The following SCUBE1 variants were observed in gnomAD, a reference collection of about 807,000 sequenced individuals.
SCUBE1 encodes the protein signal peptide, CUB and EGF-like domain-containing protein 1.
SCUBE1 carries 59 observed loss-of-function variants against 124.4 expected under a neutral mutation model. The ratio of observed to expected loss-of-function variants is 0.47; its 90% CI spans 0.38 to 0.59. The LOEUF (loss-of-function observed/expected upper bound fraction) is 0.59, where lower values mean the gene tolerates loss of function less well. Ranked by LOEUF, SCUBE1 falls within the 20% of genes least tolerant of loss-of-function variation. The pLI is 0.00. For missense variants in SCUBE1, 1,150 were observed against 1,371.2 expected (o/e 0.84, Z 2.55); for synonymous variants, 545 against 550.9 (o/e 0.99, Z 0.15).
chr22:43,238,712 G>T (rs779999646), intron 7 of SCUBE1, 126 bp downstream of exon 7: 2 of 808,952 alleles, frequency 2.5e-6, no homozygotes, highest in Non-Finnish European at 4.4e-6. Flanking sequence ...TGATTGCCAC[G>T]TGTCCTTTCC....
chr22:43,206,808 C>A lies in SCUBE1; in HGVS notation c.2814+726G>T, dbSNP rs12160178. 7.3e-3 allele frequency among the ~76,000 whole-genome samples: 1,110 copies of A among 152,080 alleles called. 9 individuals are homozygous for A. The highest frequency in any genetic ancestry group is 0.025 in the African/African-American group (1,044 of 41,462). ...GGCGGAGCTGGGGGGACAGAGATTGCGGGGAGAGAGCCCAGGACGCATCCC... is the reference window on the plus strand; with the variant it reads ...GGCGGAGCTGGGGGGACAGAGATTGAGGGGAGAGAGCCCAGGACGCATCCC... On this transcript the variant is annotated intron_variant, in intron 21 of 21. Transcript: ENST00000360835.
rs911266435 is a variant in SCUBE1, at chr22:43,308,468, A to AT, written c.349+11468dup. On this transcript the variant is annotated intron_variant, in intron 3 of 21. Transcript: ENST00000360835. ...TTAGTTTTACATTAAGATGATCAGC[A>AT]TTTTTTTTTCCAGCAAGAAATGTAT... Among the ~76,000 whole-genome samples, 11 of 151,920 alleles carry AT rather than the reference A, an allele frequency of 7.2e-5. No individual in the cohort carries two copies. The East Asian group carries it at 1.5e-3, about 21-fold the overall frequency.
chr22:43,250,890 C>T (rs190399502), intron 6 of SCUBE1, among the ~76,000 whole-genome samples: 19 of 152,286 alleles, frequency 1.2e-4, no homozygotes, highest in Middle Eastern at 3.4e-3. Flanking sequence ...CCTGCAGAAC[C>T]GCGTCCCTCA....
intron 3 of SCUBE1, chr22:43,316,877 T>C (rs1043954898): frequency 5.3e-5 from 8 of 152,154 alleles, no homozygotes; most frequent in South Asian, 2.1e-4. Context: ...TCACAGATGT[T>C]TTCCACAACA....
At position 43,333,603 on chromosome 22, in the gene SCUBE1, G is replaced by A. The variant is rs1056855724; in HGVS notation, c.220+5501C>T. On this transcript the variant is annotated intron_variant, in intron 2 of 21. Coordinates refer to ENST00000360835, the MANE Select transcript of SCUBE1 (RefSeq NM_173050.5). Reference sequence around the variant, plus strand: ...ATCGGGCTTCCCACAATCCAGGCTCGGGTTGTGAAAATGATAGAGAAAGTA... The same window carrying A: ...ATCGGGCTTCCCACAATCCAGGCTCAGGTTGTGAAAATGATAGAGAAAGTA... 3.9e-5 allele frequency among the ~76,000 whole-genome samples: 6 copies of A among 152,166 alleles called. No homozygotes were observed. In the East Asian group the frequency reaches 7.7e-4, roughly 20 times the overall value.
In SCUBE1 at chr22:43,267,135, CG is replaced by C. The variant is rs555544167; in HGVS notation, c.485-4291del. Among the ~76,000 whole-genome samples the C allele has an allele frequency of 7.2e-5, 11 of 152,214 alleles. No individual in the cohort carries two copies. In the South Asian group the frequency reaches 2.1e-3, roughly 29 times the overall value. ...TGCTTCATTCTGCCTCGTAGGAAAT[CG>C]GAATAGTTGCTTCCGTCACACTCTT... On this transcript the variant is annotated intron_variant, in intron 4 of 21. Coordinates refer to ENST00000360835, the MANE Select transcript of SCUBE1 (RefSeq NM_173050.5).
At position 43,218,406 on chromosome 22, in the gene SCUBE1, G is replaced by A. The variant is rs752275627; in HGVS notation, c.1740C>T (p.Ala580=). 6.8e-6 allele frequency: 11 copies of A among 1,613,206 alleles called. No individual in the cohort carries two copies. The highest frequency in any genetic ancestry group is 2.7e-5 in the African/African-American group (2 of 74,956). The change falls in exon 15 of 22, where the codon GCC becomes GCT. Residue 580 remains alanine (A), a synonymous_variant. Transcript: ENST00000360835. ...LRKRAEQSLQ[A]AIKTLRKSIG... is the part of the protein sequence containing the mutation. ...TGGACTTGCGCAGGGTCTTGATGGC[G>A]GCCTGCAGGCTCTGTTCTGCTCGCT...
chr22:43,312,135 T>G (rs919502223), intron 3 of SCUBE1, among the ~76,000 whole-genome samples: 2 of 152,204 alleles, frequency 1.3e-5, no homozygotes, highest in African/African-American at 4.8e-5. Context: ...TACAAGGCAT[T>G]TTGACAAATC....
At chr22:43,340,963 G>T (rs930233175) in intron 1 of SCUBE1, among the ~76,000 whole-genome samples, 1 of 152,132 alleles carries the variant, frequency 6.6e-6, no homozygotes, top group Non-Finnish European at 1.5e-5. Context: ...TCTGCCAGTG[G>T]GGCCTATGAG....
chr22:43,330,503 T>G (rs9612041), intron 2 of SCUBE1, among the ~76,000 whole-genome samples: 20,171 of 152,236 alleles, frequency 0.13, 1,687 homozygotes, highest in East Asian at 0.18. Flanking sequence ...TCTTTTCCAA[T>G]CTGTGTCTCC....
intron 3 of SCUBE1, among the ~76,000 whole-genome samples, chr22:43,302,802 C>T (rs1284812584): frequency 2.0e-5 from 3 of 152,178 alleles, no homozygotes; most frequent in Admixed American, 1.3e-4. Flanking sequence ...GAAAACCAAA[C>T]AAACAAATCA....
At chr22:43,214,544 G>A (rs1318011201) in intron 15 of SCUBE1, among the ~76,000 whole-genome samples, 9 of 152,170 alleles carry the variant, frequency 5.9e-5, no homozygotes, top group Admixed American at 2.6e-4. Flanking sequence ...TCCCCCATAC[G>A]TCTGTCCTCT....
At chr22:43,282,196 C>T (rs1239405070) in intron 4 of SCUBE1, 1 of 152,580 alleles carries the variant, frequency 6.6e-6, no homozygotes, top group Non-Finnish European at 1.5e-5. Flanking sequence ...AGGCACAGGG[C>T]AGAGGCTCAA....
chr22:43,222,492 C>T, intron 12 of SCUBE1, 146 bp downstream of exon 12: 1 of 636,602 alleles, frequency 1.6e-6, no homozygotes, highest in Non-Finnish European at 2.7e-6. Flanking sequence ...GGGCCTGGCT[C>T]ATCGCCAGCA....
chr22:43,197,837 GA>G lies in SCUBE1; in HGVS notation c.*6159del, dbSNP rs1480509479. Reference sequence around the variant, plus strand: ...GAACGAGTTTTTCGTGCTTGTGAAGGAGGGAAGGAATGTCACTGAAGTCACC... The same window carrying G: ...GAACGAGTTTTTCGTGCTTGTGAAGGGGGAAGGAATGTCACTGAAGTCACC... On this transcript the variant is annotated 3_prime_UTR_variant, in exon 22 of 22. Coordinates refer to ENST00000360835, the MANE Select transcript of SCUBE1 (RefSeq NM_173050.5). The G allele has an allele frequency of 3.3e-5, 5 of 152,288 alleles. No individual in the cohort carries two copies. The highest frequency in any genetic ancestry group is 7.3e-5 in the Non-Finnish European group (5 of 68,084). 9.4% of individuals were successfully genotyped at this position (152,288 alleles called of 1,614,324 possible).
chr22:43,252,756 G>A (rs569218060), intron 6 of SCUBE1, among the ~76,000 whole-genome samples: 2 of 152,280 alleles, frequency 1.3e-5, no homozygotes, highest in African/African-American at 4.8e-5. Context: ...CCCCACATAG[G>A]GACTGGCTCT....
intron 3 of SCUBE1, among the ~76,000 whole-genome samples, chr22:43,294,860 G>A (rs1323259755): frequency 6.6e-6 from 1 of 152,176 alleles, no homozygotes; most frequent in African/African-American, 2.4e-5. Context: ...GTTGAGGCTG[G>A]GCGGGGTTGC....
intron 4 of SCUBE1, among the ~76,000 whole-genome samples, chr22:43,269,162 G>C (rs1478111274): frequency 6.6e-6 from 1 of 152,184 alleles, no homozygotes; most frequent in Non-Finnish European, 1.5e-5. Flanking sequence ...GCCCCGGGCT[G>C]TGTCTTCTTC....
intron 6 of SCUBE1, among the ~76,000 whole-genome samples, chr22:43,249,375 C>T (rs12161058): frequency 3.1e-3 from 474 of 152,244 alleles, no homozygotes; most frequent in African/African-American, 0.011. Context: ...CAGGAATGCA[C>T]ATGTCCCGAT....
Sources: allele counts gnomAD v4.1 joint callset (sites outside exome capture counted in the v4.1 genomes callset), GRCh38; gene constraint gnomAD v4.1.1; transcripts MANE v1.5; gene names NCBI Gene and HGNC (gene_info 2026-07-23, HGNC 2026-07-21).